The following ARL15 variants were observed in gnomAD, a reference collection of about 807,000 sequenced individuals.
ARL15 encodes the protein ARF like GTPase 15.
In ARL15, 19 loss-of-function variants were observed where a neutral mutation model predicts 25.2. The ratio of observed to expected loss-of-function variants is 0.75; its 90% CI spans 0.53 to 1.10. The LOEUF is 1.10. ARL15 is among the 50% of genes least tolerant of loss of function. ARL15 has a pLI of 0.00. For missense variants in ARL15, 220 were observed against 246.0 expected, an observed-to-expected ratio of 0.89 and a Z score of 0.71; for synonymous variants, 94 against 86.8, an observed-to-expected ratio of 1.08 and a Z score of -0.46.
chr5:54,133,975 G>A (rs1485688645), intron 3 of ARL15, among the ~76,000 whole-genome samples: 5 of 152,202 alleles, frequency 3.3e-5, no homozygotes, highest in South Asian at 2.1e-4. Context: ...TTTGCAGATA[G>A]GAGAGAGTAT....
At chr5:53,898,192 C>T (rs916018450) in intron 4 of ARL15, among the ~76,000 whole-genome samples, 1 of 152,172 alleles carries the variant, frequency 6.6e-6, no homozygotes, top group Non-Finnish European at 1.5e-5. Context: ...TGGACCCACA[C>T]AGTTCAAACC....
chr5:54,091,406 CAT>C (rs984711975), intron 4 of ARL15, among the ~76,000 whole-genome samples: 32 of 152,100 alleles, frequency 2.1e-4, no homozygotes, highest in African/African-American at 7.5e-4. Context: ...GTTACTCAAA[CAT>C]AAGGTCGGTA....
chr5:54,004,527 T>C (rs1435785545), intron 4 of ARL15, among the ~76,000 whole-genome samples: 5 of 151,472 alleles, frequency 3.3e-5, no homozygotes, highest in Non-Finnish European at 7.4e-5. Context: ...CACCATGCTA[T>C]AGATGAGGAA....
intron 1 of ARL15, among the ~76,000 whole-genome samples, chr5:54,277,091 T>C (rs1757946526): frequency 6.6e-6 from 1 of 152,164 alleles, no homozygotes; most frequent in African/African-American, 2.4e-5. Flanking sequence ...AATAACCCAA[T>C]TGAATTAGGG....
At position 54,310,517 on chromosome 5, in the gene ARL15, G is replaced by A. The variant is rs1758870108; in HGVS notation, c.-38C>T. ...AGCATCCGGAACGGCTCCGAACCCG[G>A]AAAAAAAAAGCAGCGTCTCTGGCTG... On this transcript the variant is annotated 5_prime_UTR_variant, in exon 1 of 5. Transcript: ENST00000504924. The A allele has an allele frequency of 2.0e-6, 3 of 1,506,560 alleles. No homozygotes were observed. The highest frequency in any genetic ancestry group is 2.5e-5 in the East Asian group (1 of 40,088). The allele number at this position is 1,506,560 out of a possible 1,614,324, so 93.3% of individuals were successfully genotyped here. A position where few individuals can be genotyped will look rare whatever the true frequency, so the allele number is the denominator to read the frequency against.
chr5:54,195,310 T>G (rs1423607363), intron 1 of ARL15, among the ~76,000 whole-genome samples: 1 of 152,154 alleles, frequency 6.6e-6, no homozygotes, highest in East Asian at 1.9e-4. Context: ...ACCCAGACTT[T>G]ACTGTATTTA....
At chr5:53,914,740 T>C (rs777142881) in intron 4 of ARL15, among the ~76,000 whole-genome samples, 39 of 152,232 alleles carry the variant, frequency 2.6e-4, no homozygotes, top group Non-Finnish European at 5.3e-4. Flanking sequence ...CTAATGAGAA[T>C]AGACAAAGGA....
At chr5:54,041,868 G>C (rs562769808) in intron 4 of ARL15, among the ~76,000 whole-genome samples, 2 of 152,216 alleles carry the variant, frequency 1.3e-5, no homozygotes, top group East Asian at 3.9e-4. Context: ...ATGTAGCTAT[G>C]TATAAATATC....
At chr5:53,942,473 C>T (rs1053418963) in intron 4 of ARL15, among the ~76,000 whole-genome samples, 1 of 152,126 alleles carries the variant, frequency 6.6e-6, no homozygotes, top group African/African-American at 2.4e-5. Context: ...AAGGACCAGG[C>T]GCGGTGGCTC....
intron 4 of ARL15, among the ~76,000 whole-genome samples, chr5:54,071,714 G>C (rs1482723048): frequency 1.3e-5 from 2 of 152,092 alleles, no homozygotes; most frequent in Non-Finnish European, 2.9e-5. Flanking sequence ...GCTCACGCCT[G>C]TAATCCCAGC....
intron 4 of ARL15, among the ~76,000 whole-genome samples, chr5:54,090,783 G>C (rs574778338): frequency 6.6e-6 from 1 of 152,072 alleles, no homozygotes; most frequent in Non-Finnish European, 1.5e-5. Context: ...CTTGCCATGG[G>C]ACTCTCTTTT....
chr5:53,923,763 G>T (rs1745928734), intron 4 of ARL15, among the ~76,000 whole-genome samples: 1 of 152,188 alleles, frequency 6.6e-6, no homozygotes, highest in Non-Finnish European at 1.5e-5. Context: ...TACTCGGGAG[G>T]CTGAGGCAGG....
At chr5:54,181,221 T>C (rs566145533) in intron 1 of ARL15, among the ~76,000 whole-genome samples, 1 of 152,334 alleles carries the variant, frequency 6.6e-6, no homozygotes, top group African/African-American at 2.4e-5. Context: ...AAAATAAATG[T>C]TTCTTTTAAA....
At chr5:53,920,799 A>G (rs746692006) in intron 4 of ARL15, among the ~76,000 whole-genome samples, 5 of 152,206 alleles carry the variant, frequency 3.3e-5, no homozygotes, top group African/African-American at 4.8e-5. Flanking sequence ...GCTACACTAC[A>G]ATTCACAGCC....
At chr5:54,077,210 T>A (rs1751637708) in intron 4 of ARL15, among the ~76,000 whole-genome samples, 2 of 152,182 alleles carry the variant, frequency 1.3e-5, no homozygotes, top group Non-Finnish European at 2.9e-5. Context: ...CTTCTCAAAC[T>A]GTGATGTTTA....
At chr5:54,249,342 AGAAG>A (rs1375101628) in intron 1 of ARL15, among the ~76,000 whole-genome samples, 5 of 152,202 alleles carry the variant, frequency 3.3e-5, no homozygotes, top group African/African-American at 9.6e-5. Flanking sequence ...ATCAGTAAAG[AGAAG>A]GAAGAGTCAA....
intron 4 of ARL15, among the ~76,000 whole-genome samples, chr5:54,033,684 AAAAG>A (rs1381703323): frequency 1.5e-4 from 23 of 152,264 alleles, no homozygotes; most frequent in African/African-American, 5.5e-4. Context: ...AAAAAAAAAA[AAAAG>A]AAAGAAATCA....
intron 2 of ARL15, among the ~76,000 whole-genome samples, chr5:54,170,293 C>T (rs897899461): frequency 2.0e-5 from 3 of 152,150 alleles, no homozygotes; most frequent in Non-Finnish European, 4.4e-5. Flanking sequence ...CTCAGTTGCA[C>T]CATCACAGTA....
chr5:54,246,195 G>T (rs752930279), intron 1 of ARL15, among the ~76,000 whole-genome samples: 13 of 148,824 alleles, frequency 8.7e-5, no homozygotes, highest in Non-Finnish European at 1.9e-4. Flanking sequence ...CTTTTTCTCT[G>T]TCAAATTAAA....
Sources: gnomAD v4.1 joint callset for allele counts (sites outside exome capture counted in the v4.1 genomes callset) on GRCh38, gnomAD v4.1.1 for gene constraint, MANE v1.5 for transcripts, NCBI Gene and HGNC (gene_info 2026-07-23, HGNC 2026-07-21) for gene names.